The following PLB1 variants were observed in gnomAD, a reference collection of about 807,000 sequenced individuals.
PLB1 encodes the protein phospholipase B1, membrane-associated.
PLB1 carries 242 observed loss-of-function variants against 227.4 expected under a neutral mutation model. That is an observed-to-expected ratio of 1.06 (90% CI 0.96 to 1.18). The LOEUF (loss-of-function observed/expected upper bound fraction) is 1.18. PLB1 is among the 50% of genes most tolerant of loss of function. The pLI, the probability that PLB1 is intolerant of heterozygous loss-of-function variation, is 0.00. For synonymous variants in PLB1, 757 were observed against 682.2 expected (o/e 1.11, Z -1.71); for missense variants, 1,858 against 1,816.3 (o/e 1.02, Z -0.42).
chr2:28,529,022 A>G (rs1670654701), intron 6 of PLB1, among the ~76,000 whole-genome samples: 1 of 142,986 alleles, frequency 7.0e-6, no homozygotes, highest in African/African-American at 2.7e-5. Flanking sequence ...AACACAGCTC[A>G]CTGCAGTCTT....
intron 20 of PLB1, among the ~76,000 whole-genome samples, chr2:28,567,469 C>CTCTT (rs1677176112): frequency 1.9e-5 from 2 of 108,090 alleles, no homozygotes; most frequent in African/African-American, 4.0e-5. Context: ...ATTTCTTTCT[C>CTCTT]TTTTTTTTTT....
At chr2:28,520,502 T>C (rs1232483535) in intron 4 of PLB1, among the ~76,000 whole-genome samples, 1 of 152,260 alleles carries the variant, frequency 6.6e-6, no homozygotes, top group Non-Finnish European at 1.5e-5. Context: ...TGTAAGTGTA[T>C]AGTTCACTAG....
intron 56 of PLB1, among the ~76,000 whole-genome samples, chr2:28,638,896 C>T (rs925629477): frequency 6.0e-5 from 9 of 149,108 alleles, no homozygotes; most frequent in African/African-American, 2.2e-4. Context: ...AACCCTGTCT[C>T]TACTGAAAAT....
rs1226686738 is a variant in PLB1 at position 28,590,076 on chromosome 2, G to C, written c.2088G>C (p.Gln696His). Residue 696 changes from glutamine to histidine, a missense_variant and splice_region_variant, in exon 29 of 58, where the codon CAG becomes CAC. Transcript: ENST00000327757. ...ENKINITCPN[Q>H]VQPFLRTYKN... ...AGATCAATATCACATGTCCGAACCA[G>C]GTAGAGTGGAAAGCACGTCCTTCCA... The C allele has an allele frequency of 3.1e-6, 5 of 1,610,730 alleles. No homozygotes were observed. Among genetic ancestry groups the C allele is most frequent in the Non-Finnish European group, 3.4e-6 (4 of 1,176,954 alleles).
rs73924325 is a variant in PLB1, at chr2:28,633,481, A to G, written c.4098+442A>G. ...GTACATGGCACCTAGCACAATAGTT[A>G]GCACTCAGCAAATGTCACCACCATC... is the stretch of plus-strand genomic sequence containing the variant. On this transcript the variant is annotated intron_variant, in intron 56 of 57. Coordinates refer to ENST00000327757, the MANE Select transcript of PLB1 (RefSeq NM_153021.5). 589 of 159,848 alleles carry G rather than the reference A, an allele frequency of 3.7e-3. 5 individuals carry two copies. The highest frequency in any genetic ancestry group is 0.013 in the African/African-American group (559 of 41,736). 9.9% of individuals were successfully genotyped at this position (159,848 alleles called of 1,614,324 possible).
At chr2:28,565,207 C>A (rs772354447) in intron 18 of PLB1, 73 bp from the exon 19 acceptor site, 1 of 1,355,750 alleles carries the variant, frequency 7.4e-7, no homozygotes, top group East Asian at 2.4e-5. Flanking sequence ...AGAACATAGA[C>A]CTTTTGGCAG....
intron 21 of PLB1, among the ~76,000 whole-genome samples, chr2:28,575,430 G>A (rs1177961143): frequency 6.6e-6 from 1 of 152,122 alleles, no homozygotes; most frequent in Non-Finnish European, 1.5e-5. Context: ...GACTCATGTG[G>A]TTTGGTTCCT....
chr2:28,636,033 G>GTA (rs1553467802), intron 56 of PLB1, among the ~76,000 whole-genome samples: 9 of 149,692 alleles, frequency 6.0e-5, no homozygotes, highest in South Asian at 2.1e-4. Context: ...GTGTGTATGT[G>GTA]TGTGTGTGTA....
At chr2:28,602,518 C>T (rs1170906413) in intron 38 of PLB1, among the ~76,000 whole-genome samples, 2 of 152,216 alleles carry the variant, frequency 1.3e-5, no homozygotes, top group East Asian at 1.9e-4. Flanking sequence ...CCTATCTCAC[C>T]GAAGGTAATT....
chr2:28,554,598 C>A (rs1480806121), intron 17 of PLB1, among the ~76,000 whole-genome samples: 1 of 147,748 alleles, frequency 6.8e-6, no homozygotes, highest in Non-Finnish European at 1.5e-5. Flanking sequence ...GGATTACAGG[C>A]ATAAACCAGC....
intron 46 of PLB1, among the ~76,000 whole-genome samples, chr2:28,619,801 A>G (rs1214609863): frequency 6.6e-6 from 1 of 152,180 alleles, no homozygotes; most frequent in African/African-American, 2.4e-5. Context: ...AAACCAGATT[A>G]TGGTGACCTC....
intron 4 of PLB1, among the ~76,000 whole-genome samples, chr2:28,520,448 T>G (rs1572715466): frequency 6.6e-6 from 1 of 152,354 alleles, no homozygotes; most frequent in East Asian, 1.9e-4. Context: ...TTTTTAAATT[T>G]TGTTTGCAAT....
At chr2:28,628,269 C>T (rs1030234174) in intron 51 of PLB1, among the ~76,000 whole-genome samples, 2 of 152,262 alleles carry the variant, frequency 1.3e-5, no homozygotes, top group Non-Finnish European at 1.5e-5. Context: ...CTGCCGAGAG[C>T]CAAGGCCAAA....
chr2:28,518,966 A>T (rs1417490833), intron 3 of PLB1, among the ~76,000 whole-genome samples: 1 of 152,174 alleles, frequency 6.6e-6, no homozygotes, highest in Admixed American at 6.5e-5. Flanking sequence ...ACCATATTTA[A>T]TAGATTTATG....
At chr2:28,566,862 G>C in intron 20 of PLB1, 23 bp downstream of exon 20, 1 of 1,613,880 alleles carries the variant, frequency 6.2e-7, no homozygotes, top group Non-Finnish European at 8.5e-7. Flanking sequence ...CGGCGGCCGG[G>C]ATGTTTGGTT....
chr2:28,581,492 AATAAATAAATAAATAAAT>A (rs1558821458), intron 23 of PLB1, among the ~76,000 whole-genome samples: 6 of 79,436 alleles, frequency 7.6e-5, no homozygotes, highest in African/African-American at 1.4e-4. Context: ...CAAAAAAATA[AATAAATAAATAAATAAAT>A]AAATAAATAA....
At chr2:28,615,413 A>G (rs11904757) in intron 44 of PLB1, among the ~76,000 whole-genome samples, 12,255 of 152,290 alleles carry the variant, frequency 0.08, 594 homozygotes, top group Non-Finnish European at 0.11. Flanking sequence ...CCTGACTGCT[A>G]TGTGTAGAAT....
chr2:28,637,284 A>G (rs1689471513), intron 56 of PLB1, among the ~76,000 whole-genome samples: 1 of 140,446 alleles, frequency 7.1e-6, no homozygotes, highest in African/African-American at 2.7e-5. Flanking sequence ...CAAGAGTAAA[A>G]CTCTGTCTCA....
chr2:28,548,585 CTATATATA>C (rs35161547), intron 14 of PLB1: 1 of 444,162 alleles, frequency 2.3e-6, no homozygotes, highest in Non-Finnish European at 4.5e-6. Flanking sequence ...GAAGTCCCTT[CTATATATA>C]TATATATAAA....
Sources: allele counts gnomAD v4.1 joint callset (sites outside exome capture counted in the v4.1 genomes callset), GRCh38; gene constraint gnomAD v4.1.1; transcripts MANE v1.5; gene names NCBI Gene and HGNC (gene_info 2026-07-23, HGNC 2026-07-21).